The following RNLS variants were observed in gnomAD, a reference collection of about 807,000 sequenced individuals.
RNLS encodes the protein renalase.
Under a neutral mutation model 39.8 loss-of-function variants are expected in RNLS, and 39 were observed. The observed-to-expected ratio is 0.98, with a 90% confidence interval of 0.76 to 1.28. The LOEUF (loss-of-function observed/expected upper bound fraction) is 1.28. Ranked by LOEUF, RNLS falls within the 50% of genes most tolerant of loss-of-function variation. The probability of loss-of-function intolerance (pLI) is 0.00; values close to 1 mark genes in which losing one functional copy is unlikely to be tolerated. For synonymous variants in RNLS, 147 were observed against 150.7 expected (o/e 0.98, Z 0.18); for missense variants, 410 against 413.3 (o/e 0.99, Z 0.07).
chr10:88,250,539 C>T, the RNLS span, among the ~76,000 whole-genome samples: 2 of 152,210 alleles, frequency 1.3e-5, no homozygotes, highest in African/African-American at 2.4e-5. Flanking sequence ...ACCCTGTGCA[C>T]AGCCCTCAAC....
rs1846976559 is a variant in RNLS at position 88,330,045 on chromosome 10, T to C, written c.701-15404A>G. Among the ~76,000 whole-genome samples, 3 of 147,578 alleles carry C rather than the reference T, an allele frequency of 2.0e-5. No homozygotes were observed. In the South Asian group the frequency reaches 6.4e-4, roughly 32 times the overall value. On this transcript the variant is annotated intron_variant, in intron 5 of 6. Transcript: ENST00000331772. Reference sequence around the variant, plus strand: ...CTTGTTGGACGACTATTGCTCATAATTGCATGGTTTTCTGTCTGTTTTGAG... The same window carrying C: ...CTTGTTGGACGACTATTGCTCATAACTGCATGGTTTTCTGTCTGTTTTGAG...
At chr10:88,214,660 A>G in the RNLS span, among the ~76,000 whole-genome samples, 1 of 151,978 alleles carries the variant, frequency 6.6e-6, no homozygotes, top group African/African-American at 2.4e-5. Context: ...TTTCATTTTC[A>G]GTTTTCTTTC....
chr10:88,196,734 G>A, the RNLS span, among the ~76,000 whole-genome samples: 1 of 152,196 alleles, frequency 6.6e-6, no homozygotes, highest in Admixed American at 6.5e-5. Context: ...ACGAGACAAT[G>A]CCCGGGTGAC....
Position 88,373,222 on chromosome 10 carries a change from T to C in RNLS, c.527-10497A>G, listed in dbSNP as rs568986485. 7.2e-5 allele frequency among the ~76,000 whole-genome samples: 11 copies of C among 152,300 alleles called. No homozygotes were observed. In the East Asian group the frequency reaches 7.7e-4, roughly 11 times the overall value. On this transcript the variant is annotated intron_variant, in intron 4 of 6. Transcript: ENST00000331772. ...CCAAGGCAATGACTTGGAGAATTAATATTCTAATTAAAAAGTTTTATAGTT... is the reference window on the plus strand; with the variant it reads ...CCAAGGCAATGACTTGGAGAATTAACATTCTAATTAAAAAGTTTTATAGTT...
Position 88,444,732 on chromosome 10 carries a change from T to C in RNLS, c.527-82007A>G, listed in dbSNP as rs532534013. Among the ~76,000 whole-genome samples the C allele has an allele frequency of 2.3e-3, 354 of 152,100 alleles. 2 individuals carry two copies. Among genetic ancestry groups the C allele is most frequent in the African/African-American group, 8.1e-3 (336 of 41,480 alleles). ...AAGAAAGGGTGTCAGTGATTGAAGATCAAATGAATGAAATGAAGCAAGAAG... is the reference window on the plus strand; with the variant it reads ...AAGAAAGGGTGTCAGTGATTGAAGACCAAATGAATGAAATGAAGCAAGAAG... On this transcript the variant is annotated intron_variant, in intron 4 of 6. Coordinates refer to ENST00000331772, the MANE Select transcript of RNLS (RefSeq NM_001031709.3).
At chr10:88,272,179 T>C (rs1049292324), downstream of RNLS, among the ~76,000 whole-genome samples, 1 of 152,154 alleles carries the variant, frequency 6.6e-6, no homozygotes, top group Non-Finnish European at 1.5e-5. Flanking sequence ...AGCAGTGATG[T>C]ATTTTATATA....
intron 6 of RNLS, 43 bp downstream of exon 6, chr10:88,314,423 T>C (rs751164540): frequency 8.8e-6 from 14 of 1,595,336 alleles, no homozygotes; most frequent in Non-Finnish European, 1.1e-5. Flanking sequence ...TGTGAGCCTG[T>C]TAAGAAAATT....
the RNLS span, among the ~76,000 whole-genome samples, chr10:88,228,061 C>T: frequency 6.6e-6 from 1 of 152,146 alleles, no homozygotes. Context: ...TGTTGCCATA[C>T]TTTCTGATTT....
intron 5 of RNLS, among the ~76,000 whole-genome samples, chr10:88,350,260 C>CTAGG (rs1482604706): frequency 1.3e-5 from 2 of 149,356 alleles, no homozygotes; most frequent in African/African-American, 4.9e-5. Context: ...ACTTTAAGTT[C>CTAGG]TAGGGTACAT....
chr10:88,172,058 T>A, the RNLS span, among the ~76,000 whole-genome samples: 2 of 152,356 alleles, frequency 1.3e-5, no homozygotes, highest in Admixed American at 1.3e-4. Context: ...CTACATTTTC[T>A]TTATCCATTC....
downstream of RNLS, among the ~76,000 whole-genome samples, chr10:88,271,505 C>A (rs1450488260): frequency 2.0e-5 from 3 of 152,118 alleles, no homozygotes; most frequent in African/African-American, 4.8e-5. Context: ...ACCATTTATG[C>A]TGAATTAGCC....
chr10:88,576,003 C>T (rs1002082473), intron 3 of RNLS, among the ~76,000 whole-genome samples: 3 of 152,204 alleles, frequency 2.0e-5, no homozygotes, highest in East Asian at 3.9e-4. Flanking sequence ...ATTGAACTCT[C>T]ATCATTCAGC....
At chr10:88,582,488 C>A (rs1252363775) in intron 1 of RNLS, among the ~76,000 whole-genome samples, 181 bp from the exon 2 acceptor site, 20 of 152,110 alleles carry the variant, frequency 1.3e-4, no homozygotes, top group Non-Finnish European at 1.9e-4. Flanking sequence ...GTAACAGTGT[C>A]CAGCACCATT....
At chr10:88,361,056 G>A (rs569299247) in intron 5 of RNLS, among the ~76,000 whole-genome samples, 39 of 152,346 alleles carry the variant, frequency 2.6e-4, no homozygotes, top group Middle Eastern at 6.8e-3. Context: ...ATTTGGCTTA[G>A]CTGGGGCTAT....
At chr10:88,194,519 T>C in the RNLS span, among the ~76,000 whole-genome samples, 1 of 152,208 alleles carries the variant, frequency 6.6e-6, no homozygotes, top group African/African-American at 2.4e-5. Context: ...AAGTGCTTTC[T>C]GAAAAGCAAG....
chr10:88,356,168 G>A (rs138632420), intron 5 of RNLS, among the ~76,000 whole-genome samples: 177 of 152,264 alleles, frequency 1.2e-3, no homozygotes, highest in Middle Eastern at 3.4e-3. Context: ...CGCTTCCCAC[G>A]TGAGGCGATG....
chr10:88,381,321 A>C (rs749561336), intron 4 of RNLS, among the ~76,000 whole-genome samples: 22 of 152,172 alleles, frequency 1.4e-4, no homozygotes, highest in Admixed American at 9.2e-4. Context: ...AAGTTTTAGA[A>C]GTTTTCTTCA....
the RNLS span, among the ~76,000 whole-genome samples, chr10:88,197,673 T>C: frequency 2.6e-5 from 4 of 152,196 alleles, no homozygotes; most frequent in African/African-American, 9.7e-5. Context: ...AATGTGACTA[T>C]ATTTTGAGAC....
chr10:88,528,852 CAA>C (rs35644317), intron 4 of RNLS, among the ~76,000 whole-genome samples: 41 of 91,202 alleles, frequency 4.5e-4, no homozygotes, highest in Admixed American at 1.1e-3. Flanking sequence ...GACTCCGTCT[CAA>C]AAAAAAAAAA....
Sources: gnomAD v4.1 joint callset for allele counts (sites outside exome capture counted in the v4.1 genomes callset) on GRCh38, gnomAD v4.1.1 for gene constraint, MANE v1.5 for transcripts, NCBI Gene and HGNC (gene_info 2026-07-23, HGNC 2026-07-21) for gene names.